Variants in TSPAN9 observed in about 807,000 individuals in gnomAD.
TSPAN9 encodes tetraspanin 9.
Under a neutral mutation model 31.0 loss-of-function variants are expected in TSPAN9, and 16 were observed. The ratio of observed to expected loss-of-function variants is 0.52; its 90% CI spans 0.35 to 0.78. The LOEUF is 0.78. TSPAN9 is among the 30% of genes least tolerant of loss of function. The pLI is 0.01. For missense variants in TSPAN9, 272 were observed against 312.5 expected, an observed-to-expected ratio of 0.87 and a Z score of 0.98; for synonymous variants, 145 against 121.6, an observed-to-expected ratio of 1.19 and a Z score of -1.27.
At chr12:3,138,575 A>T (rs1198934841) in intron 2 of TSPAN9, among the ~76,000 whole-genome samples, 6 of 151,534 alleles carry the variant, frequency 4.0e-5, no homozygotes, top group African/African-American at 1.5e-4. Flanking sequence ...CTCCCTCCTC[A>T]GACTCCCAAG....
intron 3 of TSPAN9, among the ~76,000 whole-genome samples, chr12:3,245,013 G>T (rs1862090164): frequency 6.6e-6 from 1 of 152,190 alleles, no homozygotes; most frequent in Non-Finnish European, 1.5e-5. Flanking sequence ...TCTTTCCAAG[G>T]ACTCTGTAGC....
chr12:3,136,712 G>A (rs1304610284), intron 2 of TSPAN9, among the ~76,000 whole-genome samples: 3 of 152,168 alleles, frequency 2.0e-5, no homozygotes, highest in East Asian at 1.9e-4. Context: ...TCAGGTGCCC[G>A]TGGGAAGCTG....
intron 3 of TSPAN9, among the ~76,000 whole-genome samples, chr12:3,243,065 T>C (rs371798225): frequency 1.3e-5 from 2 of 152,266 alleles, no homozygotes; most frequent in East Asian, 3.9e-4. Context: ...TTTGGAGGGA[T>C]GAAGGAGCAG....
chr12:3,079,575 C>T (rs2098296787), intron 1 of TSPAN9, among the ~76,000 whole-genome samples: 1 of 152,118 alleles, frequency 6.6e-6, no homozygotes, highest in South Asian at 2.1e-4. Context: ...GATTCTCCTG[C>T]CTCAACCTCC....
At position 3,156,875 on chromosome 12, in the gene TSPAN9, G is replaced by A. The variant is rs540066511; in HGVS notation, c.-17-44302G>A. On this transcript the variant is annotated intron_variant, in intron 2 of 8. Coordinates refer to ENST00000011898, the MANE Select transcript of TSPAN9 (RefSeq NM_006675.5). ...GCTGGCTAGCTGGGAAGGCTGTGGA[G>A]CAGGAGAAGGGCCCAGGGCAGGGGG... is the stretch of plus-strand genomic sequence containing the variant. Among the ~76,000 whole-genome samples the A allele has an allele frequency of 1.6e-4, 25 of 152,320 alleles. No individual in the cohort carries two copies. In the East Asian group the frequency reaches 4.6e-3, roughly 28 times the overall value.
intron 2 of TSPAN9, among the ~76,000 whole-genome samples, chr12:3,113,054 C>T (rs888348161): frequency 6.6e-6 from 1 of 152,030 alleles, no homozygotes; most frequent in Middle Eastern, 3.2e-3. Flanking sequence ...AGGAGCTATT[C>T]GATGAATATT....
intron 2 of TSPAN9, among the ~76,000 whole-genome samples, chr12:3,161,642 C>T (rs2098345281): frequency 1.3e-5 from 2 of 152,138 alleles, no homozygotes; most frequent in African/African-American, 4.8e-5. Context: ...TGAGCAGCTC[C>T]CCAGCCCCTG....
At chr12:3,250,237 T>G (rs1409754674) in intron 3 of TSPAN9, among the ~76,000 whole-genome samples, 1 of 152,190 alleles carries the variant, frequency 6.6e-6, no homozygotes, top group Non-Finnish European at 1.5e-5. Flanking sequence ...GCCCCTTGCC[T>G]TTACCCATTG....
At chr12:3,211,855 C>T (rs2153974071) in intron 3 of TSPAN9, 1 of 1,595,660 alleles carries the variant, frequency 6.3e-7, no homozygotes, top group Non-Finnish European at 8.5e-7. Context: ...CCAGGCGTTT[C>T]TTCTTGTGTT....
rs73254443 is a variant in TSPAN9, at chr12:3,225,219, C to T, written c.63+23963C>T. On this transcript the variant is annotated intron_variant, in intron 3 of 8. Coordinates refer to ENST00000011898, the MANE Select transcript of TSPAN9 (RefSeq NM_006675.5). ...TGGGGGACCGTGGGAAGGCTTTCAT[C>T]CGACCCACAGCGCACAGAGGTGAAT... Among the ~76,000 whole-genome samples the T allele has an allele frequency of 1.6e-3, 239 of 152,166 alleles. 1 individual carries two copies. The highest frequency in any genetic ancestry group is 5.6e-3 in the African/African-American group (233 of 41,548).
chr12:3,233,741 A>G (rs760587228), intron 3 of TSPAN9, among the ~76,000 whole-genome samples: 1 of 152,232 alleles, frequency 6.6e-6, no homozygotes, highest in African/African-American at 2.4e-5. Context: ...ATGCACATGA[A>G]TAATAGTTCC....
chr12:3,106,077 C>T (rs144674281), intron 2 of TSPAN9, among the ~76,000 whole-genome samples: 116 of 152,282 alleles, frequency 7.6e-4, no homozygotes, highest in Middle Eastern at 6.8e-3. Flanking sequence ...CATGCACACT[C>T]GCTCTTGTGC....
chr12:3,228,223 G>C (rs1422710917), intron 3 of TSPAN9, among the ~76,000 whole-genome samples: 1 of 152,090 alleles, frequency 6.6e-6, no homozygotes, highest in Non-Finnish European at 1.5e-5. Context: ...GTGGTGGCAT[G>C]CACCTGTGGC....
chr12:3,277,926 A>T (rs894069959), intron 3 of TSPAN9, among the ~76,000 whole-genome samples: 22 of 152,330 alleles, frequency 1.4e-4, no homozygotes, highest in Admixed American at 1.4e-3. Flanking sequence ...GTAACAGGAC[A>T]CAGTCGCTGG....
intron 2 of TSPAN9, among the ~76,000 whole-genome samples, chr12:3,190,230 C>A (rs947677844): frequency 6.6e-6 from 1 of 152,150 alleles, no homozygotes; most frequent in African/African-American, 2.4e-5. Context: ...TGCAGAGCGC[C>A]GTCCCAGCTG....
intron 1 of TSPAN9, among the ~76,000 whole-genome samples, chr12:3,079,423 C>G (rs569895678): frequency 6.6e-6 from 1 of 152,150 alleles, no homozygotes; most frequent in African/African-American, 2.4e-5. Context: ...CTTGTGCCAT[C>G]TATTCTGCCA....
chr12:3,252,472 C>T (rs959195921), intron 3 of TSPAN9, among the ~76,000 whole-genome samples: 1 of 152,224 alleles, frequency 6.6e-6, no homozygotes, highest in African/African-American at 2.4e-5. Flanking sequence ...CCCCTGGGCT[C>T]CCCCCAGCCC....
At chr12:3,274,543 A>C (rs557621) in intron 3 of TSPAN9, among the ~76,000 whole-genome samples, 72,151 of 152,124 alleles carry the variant, frequency 0.47, 17,623 homozygotes, top group Middle Eastern at 0.56. Context: ...GGTGCCTGTC[A>C]CCTGTCAGTC....
At chr12:3,227,508 A>T (rs932487527) in intron 3 of TSPAN9, among the ~76,000 whole-genome samples, 2 of 152,102 alleles carry the variant, frequency 1.3e-5, no homozygotes, top group African/African-American at 4.8e-5. Context: ...TGGAGGGTGA[A>T]ATTTGCATTG....
Sources: gnomAD v4.1 joint callset for allele counts (sites outside exome capture counted in the v4.1 genomes callset) on GRCh38, gnomAD v4.1.1 for gene constraint, MANE v1.5 for transcripts, NCBI Gene and HGNC (gene_info 2026-07-23, HGNC 2026-07-21) for gene names.